The following TENM4 variants were observed in gnomAD, a reference collection of about 807,000 sequenced individuals.
TENM4 encodes teneurin-4.
A neutral mutation model predicts 243.3 loss-of-function variants in TENM4; 82 were observed. That is an observed-to-expected ratio of 0.34 (90% CI 0.28 to 0.40). TENM4 has a LOEUF of 0.40. Among genes scored for constraint, TENM4 ranks in the 10% least tolerant of loss-of-function variants. The pLI, the probability that TENM4 is intolerant of heterozygous loss-of-function variation, is 1.00. For missense variants in TENM4, 3,138 were observed against 3,673.3 expected, an observed-to-expected ratio of 0.85 and a Z score of 3.77; for synonymous variants, 1,412 against 1,456.3, an observed-to-expected ratio of 0.97 and a Z score of 0.69.
intron 29 of TENM4, among the ~76,000 whole-genome samples, chr11:78,676,935 T>G (rs766031410): frequency 6.6e-6 from 1 of 152,112 alleles, no homozygotes; most frequent in Admixed American, 6.5e-5. Flanking sequence ...ATGTCCAGAA[T>G]AGGCAAGAAT....
chr11:78,832,870 A>G (rs1858014992), intron 12 of TENM4, among the ~76,000 whole-genome samples: 1 of 152,240 alleles, frequency 6.6e-6, no homozygotes, highest in African/African-American at 2.4e-5. Context: ...ACATGTTCCA[A>G]TCACCACAGT....
At chr11:79,242,831 C>T (rs913152139) in intron 2 of TENM4, among the ~76,000 whole-genome samples, 4 of 152,218 alleles carry the variant, frequency 2.6e-5, no homozygotes, top group African/African-American at 9.6e-5. Context: ...TGGGTCAAGG[C>T]ATGTAGACTT....
At chr11:79,433,600 T>C (rs1039860561) in intron 1 of TENM4, among the ~76,000 whole-genome samples, 2 of 152,208 alleles carry the variant, frequency 1.3e-5, no homozygotes, top group Non-Finnish European at 2.9e-5. Flanking sequence ...AGGATTTTAA[T>C]GATTAACCAA....
At chr11:79,047,011 T>C (rs1186985622) in intron 6 of TENM4, among the ~76,000 whole-genome samples, 1 of 152,216 alleles carries the variant, frequency 6.6e-6, no homozygotes, top group Non-Finnish European at 1.5e-5. Flanking sequence ...TGGAATTTTA[T>C]GTGCCAGGCC....
intron 12 of TENM4, among the ~76,000 whole-genome samples, chr11:78,833,313 G>A (rs538629263): frequency 2.0e-5 from 3 of 152,210 alleles, no homozygotes; most frequent in East Asian, 1.9e-4. Context: ...TGCTTATACA[G>A]CAATTTTTGA....
At chr11:79,221,468 A>C (rs113231644) in intron 2 of TENM4, among the ~76,000 whole-genome samples, 118 of 151,938 alleles carry the variant, frequency 7.8e-4, no homozygotes, top group East Asian at 4.8e-3. Context: ...GGAAAAAAAA[A>C]CATCCACACC....
rs1590967748 is a variant in TENM4, at chr11:79,438,984, C to G, written c.-321+1525G>C. 6.6e-6 allele frequency: 1 copy of G among 152,212 alleles called. No individual in the cohort carries two copies. The highest frequency in any genetic ancestry group is 1.9e-4 in the East Asian group (1 of 5,142). 9.4% of individuals were successfully genotyped at this position (152,212 alleles called of 1,614,324 possible). A position where few individuals can be genotyped will look rare whatever the true frequency, so the allele number is the denominator to read the frequency against. On this transcript the variant is annotated intron_variant, in intron 1 of 33. Transcript: ENST00000278550. The surrounding 1 kb of genome is among the most constrained non-coding windows in gnomAD (Gnocchi z 4.1). ...TACACTCCCCAAGCAGGCAAACTTT[C>G]AGGCTTGTCTTTCGAGAACCGGGAG...
chr11:78,765,117 G>C (rs1303218690), intron 18 of TENM4, among the ~76,000 whole-genome samples: 3 of 152,154 alleles, frequency 2.0e-5, no homozygotes, highest in African/African-American at 4.8e-5. Context: ...TCTCGCTCTT[G>C]TCTGCAGTCT....
At chr11:79,209,764 C>T (rs1863922697) in intron 3 of TENM4, among the ~76,000 whole-genome samples, 1 of 152,324 alleles carries the variant, frequency 6.6e-6, no homozygotes, top group African/African-American at 2.4e-5. Flanking sequence ...GCATGGCACC[C>T]TGCTAGAACC....
chr11:79,113,332 T>C (rs530631828), intron 4 of TENM4, among the ~76,000 whole-genome samples: 5 of 151,846 alleles, frequency 3.3e-5, no homozygotes, highest in Non-Finnish European at 7.4e-5. Context: ...ATATCCTTCA[T>C]ATCCTGAATC....
At chr11:78,987,359 T>C (rs1447456611) in intron 6 of TENM4, among the ~76,000 whole-genome samples, 1 of 152,248 alleles carries the variant, frequency 6.6e-6, no homozygotes, top group Non-Finnish European at 1.5e-5. Flanking sequence ...TCACAGATTC[T>C]TTTTCACAGA....
chr11:78,929,625 G>C (rs186020130), intron 6 of TENM4, among the ~76,000 whole-genome samples: 2 of 152,080 alleles, frequency 1.3e-5, no homozygotes, highest in African/African-American at 4.8e-5. Flanking sequence ...CAGGGCCCCC[G>C]GGGGAGATGG....
intron 1 of TENM4, among the ~76,000 whole-genome samples, chr11:79,384,494 C>T (rs185305971): frequency 1.3e-4 from 20 of 152,182 alleles, no homozygotes; most frequent in African/African-American, 4.8e-4. Context: ...GTCTGAGATG[C>T]GGGGGGGTTG....
At chr11:79,241,119 G>A in intron 2 of TENM4, among the ~76,000 whole-genome samples, 1 of 148,110 alleles carries the variant, frequency 6.8e-6, no homozygotes, top group African/African-American at 2.5e-5. Context: ...CTTTGATAAA[G>A]CACTCTTTTT....
intron 7 of TENM4, 92 bp from the exon 8 acceptor site, chr11:78,891,428 G>A: frequency 8.5e-7 from 1 of 1,173,278 alleles, no homozygotes. Context: ...GTTTGGTGCA[G>A]CTGTGTGCGT....
intron 6 of TENM4, among the ~76,000 whole-genome samples, chr11:78,961,607 G>C (rs1011290695): frequency 6.6e-6 from 1 of 152,186 alleles, no homozygotes; most frequent in Non-Finnish European, 1.5e-5. Context: ...CAGGCTCTGT[G>C]AAACTGGAGA....
intron 4 of TENM4, among the ~76,000 whole-genome samples, chr11:79,103,677 G>A (rs370067251): frequency 3.9e-5 from 6 of 152,290 alleles, no homozygotes; most frequent in South Asian, 2.1e-4. Flanking sequence ...GATACTTTCC[G>A]ATTTCATAAA....
chr11:78,664,390 TC>T (rs1858100176), intron 32 of TENM4, among the ~76,000 whole-genome samples: 1 of 152,046 alleles, frequency 6.6e-6, no homozygotes, highest in South Asian at 2.1e-4. Flanking sequence ...CGTGCCATCA[TC>T]CCTAGCTAAT....
chr11:78,741,464 C>T (rs192996172), intron 19 of TENM4, among the ~76,000 whole-genome samples: 17 of 152,274 alleles, frequency 1.1e-4, no homozygotes, highest in South Asian at 2.1e-4. Flanking sequence ...TGCCATTATG[C>T]GGTACTGCCA....
Sources: gnomAD v4.1 joint callset for allele counts (sites outside exome capture counted in the v4.1 genomes callset) on GRCh38, gnomAD v4.1.1 for gene constraint, Gnocchi (gnomAD v3.1) non-coding constraint, MANE v1.5 for transcripts, NCBI Gene and HGNC (gene_info 2026-07-23, HGNC 2026-07-21) for gene names.